TPM3: variants seen among roughly 807,000 people sequenced by gnomAD.
TPM3 encodes tropomyosin 3.
TPM3 carries 16 observed loss-of-function variants against 43.1 expected under a neutral mutation model. That is an observed-to-expected ratio of 0.37 (90% CI 0.25 to 0.56). TPM3 has a LOEUF of 0.56. Ranked by LOEUF, TPM3 falls within the 20% of genes least tolerant of loss-of-function variation. TPM3 has a pLI of 0.77. For synonymous variants in TPM3, 101 were observed against 116.9 expected, an observed-to-expected ratio of 0.86 and a Z score of 0.88; for missense variants, 176 against 337.2, an observed-to-expected ratio of 0.52 and a Z score of 3.74.
chr1:154,185,094 A>G (rs1302947288), intron 2 of TPM3, among the ~76,000 whole-genome samples: 2 of 152,058 alleles, frequency 1.3e-5, no homozygotes, highest in Non-Finnish European at 2.9e-5. Context: ...CCCTTTGGCC[A>G]GATGTGGTGG....
chr1:154,183,237 G>T (rs1232245428), intron 2 of TPM3: 1 of 1,539,412 alleles, frequency 6.5e-7, no homozygotes, highest in South Asian at 1.2e-5. Context: ...TCACCAACCC[G>T]CCCGGATGTG....
In TPM3 at chr1:154,191,270, C is replaced by A. The variant is rs1203277864; in HGVS notation, c.159G>T (p.Gly53=). 6.2e-7 allele frequency: 1 copy of A among 1,614,162 alleles called. No homozygotes were observed. Among genetic ancestry groups the A allele is most frequent in the Non-Finnish European group, 8.5e-7 (1 of 1,180,038 alleles). The change falls in exon 2 of 10, where the codon GGG becomes GGT. Residue 53 remains glycine (G), a synonymous_variant. Coordinates refer to ENST00000651641, the MANE Select transcript of TPM3 (RefSeq NM_152263.4). ...ELAAMQKKLK[G]TEDELDKYSE... ...AATACTTGTCCAGCTCATCCTCTGT[C>A]CCTTTCAGCTTCTTCTGCATGGCTG...
rs770753751 is a variant in TPM3 at position 154,172,722 on chromosome 1, T to C, written c.566+186A>G. 3.7e-4 allele frequency: 266 copies of C among 725,616 alleles called. 1 individual carries two copies. The highest frequency in any genetic ancestry group is 5.3e-4 in the Non-Finnish European group (220 of 413,054). The allele number at this position is 725,616 out of a possible 1,614,324, so 44.9% of individuals were successfully genotyped here. A position where few individuals can be genotyped will look rare whatever the true frequency, so the allele number is the denominator to read the frequency against. On this transcript the variant is annotated intron_variant, in intron 5 of 9. Coordinates refer to ENST00000651641, the MANE Select transcript of TPM3 (RefSeq NM_152263.4). ...ATAAGAAAGCCTCTTTTGTCACTTGTCACTAGTCAGGAGAATAAGGAAGCC... is the reference window on the plus strand; with the variant it reads ...ATAAGAAAGCCTCTTTTGTCACTTGCCACTAGTCAGGAGAATAAGGAAGCC...
At chr1:154,172,584 C>T (rs1349775240) in intron 5 of TPM3, 6 of 451,116 alleles carry the variant, frequency 1.3e-5, no homozygotes, top group South Asian at 2.0e-5. Flanking sequence ...ATCAGGATAG[C>T]CACTTTGATG....
intron 2 of TPM3, 49 bp downstream of exon 2, chr1:154,191,137 A>G (rs755457021): frequency 6.2e-7 from 1 of 1,613,738 alleles, no homozygotes; most frequent in South Asian, 1.1e-5. Context: ...ATTAACATAA[A>G]GATCTATATG....
chr1:154,179,962 T>C (rs1400828222), intron 2 of TPM3, among the ~76,000 whole-genome samples: 8 of 152,138 alleles, frequency 5.3e-5, no homozygotes, highest in African/African-American at 1.9e-4. Flanking sequence ...GAACTGTACA[T>C]TTATAAATGG....
intron 2 of TPM3, among the ~76,000 whole-genome samples, chr1:154,190,819 T>C (rs1663648043): frequency 6.6e-6 from 1 of 152,184 alleles, no homozygotes; most frequent in Non-Finnish European, 1.5e-5. Flanking sequence ...ATGCCAAGAC[T>C]TGGACATAAA....
rs1347264458 is a variant in TPM3 at position 154,168,345 on chromosome 1, T to C, written c.855-405A>G. Among the ~76,000 whole-genome samples, 3 of 152,378 alleles carry C rather than the reference T, an allele frequency of 2.0e-5. No individual in the cohort carries two copies. In the South Asian group the frequency reaches 6.2e-4, roughly 32 times the overall value. On this transcript the variant is annotated intron_variant, in intron 9 of 9. Transcript: ENST00000651641. Reference sequence around the variant, plus strand: ...CTTAATGTGTCAGGGCCCAAGTTACTGGCTCTGTGGGCCCTATTTCCTTAG... The same window carrying C: ...CTTAATGTGTCAGGGCCCAAGTTACCGGCTCTGTGGGCCCTATTTCCTTAG...
chr1:154,183,113 C>T (rs1325442399), intron 2 of TPM3: 2 of 1,598,546 alleles, frequency 1.3e-6, no homozygotes, highest in Admixed American at 3.3e-5. Flanking sequence ...GTGGTGATCC[C>T]AGCCATGGTG....
chr1:154,184,560 C>T (rs1558063690), intron 2 of TPM3, among the ~76,000 whole-genome samples: 1 of 152,032 alleles, frequency 6.6e-6, no homozygotes, highest in Non-Finnish European at 1.5e-5. Context: ...TAATCACTTA[C>T]AATTCCTTTT....
downstream of TPM3, chr1:154,157,635 C>T (rs755564448): frequency 2.3e-5 from 18 of 777,856 alleles, 1 homozygote; most frequent in Middle Eastern, 2.3e-4. Context: ...GGGACTGGGG[C>T]GTTCTACATC....
chr1:154,169,629 T>C (rs935207793), intron 8 of TPM3: 8 of 581,246 alleles, frequency 1.4e-5, no homozygotes, highest in African/African-American at 1.3e-4. Context: ...GGCACAGTCA[T>C]AACTAGAAAT....
intron 2 of TPM3, chr1:154,183,236 C>A: frequency 6.5e-7 from 1 of 1,541,370 alleles, no homozygotes; most frequent in Non-Finnish European, 8.7e-7. Context: ...CTCACCAACC[C>A]GCCCGGATGT....
chr1:154,191,616 C>G (rs889674459), intron 1 of TPM3: 10 of 1,409,464 alleles, frequency 7.1e-6, no homozygotes, highest in Admixed American at 5.7e-5. Flanking sequence ...CTCTTTCCCT[C>G]TAGAACTCTT....
Position 154,166,758 on chromosome 1 carries a change from T to G in TPM3, c.*1179A>C. 1 of 927,716 alleles carries G rather than the reference T, an allele frequency of 1.1e-6. No individual in the cohort carries two copies. Among genetic ancestry groups the G allele is most frequent in the Non-Finnish European group, 1.3e-6 (1 of 777,664 alleles). The allele number at this position is 927,716 out of a possible 1,614,324, so 57.5% of individuals were successfully genotyped here. A position where few individuals can be genotyped will look rare whatever the true frequency, so the allele number is the denominator to read the frequency against. On this transcript the variant is annotated 3_prime_UTR_variant, in exon 10 of 10. Transcript: ENST00000651641. ...ATGCAGTGGCGCGATCTCCGCTCAC[T>G]GCAACCTCCGCCTCCCAGGTGCAAG...
chr1:154,161,368 T>C (rs1464500202), downstream of TPM3, among the ~76,000 whole-genome samples: 1 of 151,842 alleles, frequency 6.6e-6, no homozygotes, highest in Admixed American at 6.6e-5. Flanking sequence ...CAGCCTGAAT[T>C]TAGATAATAC....
At chr1:154,157,721 T>C (rs768915391), downstream of TPM3, 8 of 780,782 alleles carry the variant, frequency 1.0e-5, no homozygotes, top group South Asian at 1.1e-4. Flanking sequence ...TTTCAGTTTA[T>C]CTAATGGGGG....
Position 154,161,868 on chromosome 1 carries a change from G to T in TPM3, c.*6069C>A, listed in dbSNP as rs1358590974. ...AATCACAGAACACAGAGTTTCCTAG[G>T]AATTGCATGAGGTCAGAAAGACAAA... On this transcript the variant is annotated 3_prime_UTR_variant, in exon 10 of 10. Coordinates refer to ENST00000651641, the MANE Select transcript of TPM3 (RefSeq NM_152263.4). Among the ~76,000 whole-genome samples the T allele has an allele frequency of 6.6e-6, 1 of 152,096 alleles. No individual in the cohort carries two copies. Among genetic ancestry groups the T allele is most frequent in the Non-Finnish European group, 1.5e-5 (1 of 68,016 alleles).
At chr1:154,176,978 C>CA (rs60774056) in intron 2 of TPM3, among the ~76,000 whole-genome samples, 2,534 of 55,574 alleles carry the variant, frequency 0.046, 36 homozygotes, top group African/African-American at 0.08. Context: ...AACTCCATTT[C>CA]AAAAAAAAAA....
Sources: gnomAD v4.1 joint callset for allele counts (sites outside exome capture counted in the v4.1 genomes callset) on GRCh38, gnomAD v4.1.1 for gene constraint, MANE v1.5 for transcripts, NCBI Gene and HGNC (gene_info 2026-07-23, HGNC 2026-07-21) for gene names.